CELF1: variants seen among roughly 807,000 people sequenced by gnomAD.
CELF1 encodes CUGBP Elav-like family member 1, also known as 50 kDa nuclear polyadenylated RNA-binding protein.
CELF1 carries 10 observed loss-of-function variants against 61.8 expected under a neutral mutation model. The ratio of observed to expected loss-of-function variants is 0.16; its 90% confidence interval spans 0.10 to 0.27. The LOEUF is 0.27. CELF1 is among the 10% of genes least tolerant of loss of function. The pLI, the probability that CELF1 is intolerant of heterozygous loss-of-function variation, is 1.00. For synonymous variants in CELF1, 236 were observed against 225.1 expected (o/e 1.05, Z -0.43); for missense variants, 380 against 639.1 (o/e 0.59, Z 4.37).
chr11:47,542,260 C>T (rs2096828281), intron 1 of CELF1, among the ~76,000 whole-genome samples: 1 of 152,102 alleles, frequency 6.6e-6, no homozygotes, highest in Non-Finnish European at 1.5e-5. Context: ...ATCCCAGCTA[C>T]TCGAGGTTGA....
At chr11:47,516,402 C>A (rs1394090962) in intron 1 of CELF1, among the ~76,000 whole-genome samples, 1 of 152,134 alleles carries the variant, frequency 6.6e-6, no homozygotes, top group Non-Finnish European at 1.5e-5. Context: ...GCTGCTTCCA[C>A]CTCCTCTAGG....
chr11:47,540,604 G>C (rs1598360575), intron 1 of CELF1, among the ~76,000 whole-genome samples: 1 of 152,104 alleles, frequency 6.6e-6, no homozygotes, highest in Non-Finnish European at 1.5e-5. Flanking sequence ...AGGCAAGCAG[G>C]CTGGGCGCGG....
At chr11:47,540,701 T>C (rs956432883) in intron 1 of CELF1, among the ~76,000 whole-genome samples, 1 of 152,106 alleles carries the variant, frequency 6.6e-6, no homozygotes, top group Non-Finnish European at 1.5e-5. Flanking sequence ...CTGGCCAAGA[T>C]GGTGAAACCC....
intron 1 of CELF1, among the ~76,000 whole-genome samples, chr11:47,510,344 G>A (rs1015723231): frequency 2.0e-5 from 3 of 152,104 alleles, no homozygotes; most frequent in African/African-American, 7.2e-5. Flanking sequence ...TCTTTCCCAG[G>A]ATGACTGGCA....
At chr11:47,555,611 A>G (rs1211554495), upstream of CELF1, among the ~76,000 whole-genome samples, 1 of 152,240 alleles carries the variant, frequency 6.6e-6, no homozygotes, top group Non-Finnish European at 1.5e-5. Flanking sequence ...AATGCTAAAC[A>G]GTCCAAATAC....
At chr11:47,529,104 G>A (rs1449378880) in intron 1 of CELF1, among the ~76,000 whole-genome samples, 1 of 146,852 alleles carries the variant, frequency 6.8e-6, no homozygotes, top group Non-Finnish European at 1.5e-5. Flanking sequence ...TTGAGACAGA[G>A]TCTTGCTCTG....
intron 1 of CELF1, among the ~76,000 whole-genome samples, chr11:47,531,731 A>G (rs2096483438): frequency 6.6e-6 from 1 of 152,246 alleles, no homozygotes; most frequent in Admixed American, 6.5e-5. Flanking sequence ...ATTTTGCCTT[A>G]GAAGTATTTT....
chr11:47,499,637 G>A, intron 2 of CELF1, 33 bp from the exon 3 acceptor site: 1 of 770,022 alleles, frequency 1.3e-6, no homozygotes, highest in Non-Finnish European at 2.1e-6. Context: ...AGTGGAAACA[G>A]GAGCTCAGGG....
At chr11:47,518,844 A>T (rs1006779966) in intron 1 of CELF1, among the ~76,000 whole-genome samples, 6 of 152,126 alleles carry the variant, frequency 3.9e-5, no homozygotes, top group African/African-American at 7.2e-5. Flanking sequence ...AAAATCCTTG[A>T]CCAAGCAGCC....
At chr11:47,559,330 G>T (rs577491773) in intron 2 of CELF1, among the ~76,000 whole-genome samples, 2 of 150,700 alleles carry the variant, frequency 1.3e-5, no homozygotes, top group Admixed American at 6.6e-5. Context: ...CTTCCAAAGT[G>T]CTGGGATTAT....
At position 47,499,620 on chromosome 11, in the gene CELF1, A is replaced by G. The variant is rs1456564337; in HGVS notation, c.-81-16T>C. On this transcript the variant is annotated splice_polypyrimidine_tract_variant and intron_variant, in intron 2 of 14. Coordinates refer to ENST00000687097, the MANE Select transcript of CELF1 (RefSeq NM_001376376.1). Reference sequence around the variant, plus strand: ...CTTTAGCTTCCTGGGCCCCACAAAAAACACAAAGTGGAAACAGGAGCTCAG... The same window carrying G: ...CTTTAGCTTCCTGGGCCCCACAAAAGACACAAAGTGGAAACAGGAGCTCAG... The G allele has an allele frequency of 1.0e-6, 1 of 958,974 alleles. No homozygotes were observed. Among genetic ancestry groups the G allele is most frequent in the South Asian group, 1.5e-5 (1 of 68,728 alleles). 59.4% of individuals were successfully genotyped at this position (958,974 alleles called of 1,614,324 possible). A position where few individuals can be genotyped will look rare whatever the true frequency, so the allele number is the denominator to read the frequency against.
At chr11:47,483,268 A>C (rs1171922373) in intron 8 of CELF1, among the ~76,000 whole-genome samples, 185 bp downstream of exon 8, 1 of 152,166 alleles carries the variant, frequency 6.6e-6, no homozygotes, top group Non-Finnish European at 1.5e-5. Flanking sequence ...CCATCTCAAA[A>C]AAAGGGGTAG....
rs562847466 is a variant in CELF1, at chr11:47,522,990, A to C, written c.-153-22058T>G. Among the ~76,000 whole-genome samples the C allele has an allele frequency of 1.7e-4, 26 of 152,260 alleles. No homozygotes were observed. In the South Asian group the frequency reaches 5.4e-3, roughly 32 times the overall value. ...TAGGCTGACAGATCTTGCACCTCCA[A>C]CTGGGCCTGTTAGAGTCCAGTATAT... On this transcript the variant is annotated intron_variant, in intron 1 of 14. Coordinates refer to ENST00000687097, the MANE Select transcript of CELF1 (RefSeq NM_001376376.1).
chr11:47,525,826 T>C (rs910588601), intron 1 of CELF1, among the ~76,000 whole-genome samples: 3 of 151,962 alleles, frequency 2.0e-5, no homozygotes, highest in African/African-American at 7.3e-5. Context: ...ACATGTATAA[T>C]CTCAGCACTT....
At chr11:47,521,933 C>A (rs2095922020) in intron 1 of CELF1, among the ~76,000 whole-genome samples, 1 of 147,570 alleles carries the variant, frequency 6.8e-6, no homozygotes, top group Non-Finnish European at 1.5e-5. Context: ...TTTTTTGACA[C>A]GGGTTTTGCT....
At chr11:47,477,698 A>C in intron 10 of CELF1, 1 of 327,314 alleles carries the variant, frequency 3.1e-6, no homozygotes. Context: ...GGAAACCAAG[A>C]AAAACTGCCT....
At chr11:47,479,935 C>T (rs2082039858) in intron 9 of CELF1, among the ~76,000 whole-genome samples, 1 of 152,106 alleles carries the variant, frequency 6.6e-6, no homozygotes, top group African/African-American at 2.4e-5. Flanking sequence ...TGCACCTATA[C>T]ACCCTTTCCC....
intron 1 of CELF1, among the ~76,000 whole-genome samples, chr11:47,541,709 AG>A (rs1565904295): frequency 0.1 from 2,158 of 21,302 alleles, 240 homozygotes; most frequent in African/African-American, 0.17. Context: ...AAAGAAAGAA[AG>A]AAAGAAAGAA....
At chr11:47,486,021 C>T (rs1162856214) in intron 6 of CELF1, among the ~76,000 whole-genome samples, 1 of 139,274 alleles carries the variant, frequency 7.2e-6, no homozygotes, top group Non-Finnish European at 1.6e-5. Flanking sequence ...ATTAGCCGGG[C>T]GTGGTGGCAG....
Sources: gnomAD v4.1 joint callset for allele counts (sites outside exome capture counted in the v4.1 genomes callset) on GRCh38, gnomAD v4.1.1 for gene constraint, MANE v1.5 for transcripts, NCBI Gene and HGNC (gene_info 2026-07-23, HGNC 2026-07-21) for gene names.